The following NT5C2 variants were observed in gnomAD, a reference collection of about 807,000 sequenced individuals.
NT5C2 encodes the protein 5'-nucleotidase, cytosolic II.
NT5C2 carries 58 observed loss-of-function variants against 76.1 expected under a neutral mutation model. That is an observed-to-expected ratio of 0.76 (90% CI 0.62 to 0.95). NT5C2 has a LOEUF of 0.95. Among genes scored for constraint, NT5C2 ranks in the 40% least tolerant of loss-of-function variants. NT5C2 has a pLI of 0.00. For synonymous variants in NT5C2, 229 were observed against 237.4 expected (o/e 0.96, Z 0.32); for missense variants, 478 against 690.3 (o/e 0.69, Z 3.45).
At chr10:103,172,956 C>T (rs929994836) in intron 3 of NT5C2, among the ~76,000 whole-genome samples, 13 of 152,182 alleles carry the variant, frequency 8.5e-5, no homozygotes, top group African/African-American at 2.9e-4. Flanking sequence ...TACAGTGAGC[C>T]GAGATCAAGC....
chr10:103,136,915 G>A (rs1011569170), intron 4 of NT5C2, among the ~76,000 whole-genome samples: 5 of 152,102 alleles, frequency 3.3e-5, no homozygotes, highest in South Asian at 2.1e-4. Flanking sequence ...GAGCCACCGC[G>A]CCAGGCCAAT....
intron 3 of NT5C2, among the ~76,000 whole-genome samples, chr10:103,150,874 A>C (rs146661441): frequency 2.0e-5 from 3 of 152,362 alleles, no homozygotes; most frequent in African/African-American, 7.2e-5. Flanking sequence ...ATATAAACAT[A>C]TTCAGAATAT....
At chr10:103,161,315 C>T (rs1209719640) in intron 3 of NT5C2, among the ~76,000 whole-genome samples, 1 of 152,000 alleles carries the variant, frequency 6.6e-6, no homozygotes, top group Non-Finnish European at 1.5e-5. Flanking sequence ...ATAGCTGGGA[C>T]TACAGGCATG....
At chr10:103,167,823 G>A (rs886999480) in intron 3 of NT5C2, among the ~76,000 whole-genome samples, 1 of 151,928 alleles carries the variant, frequency 6.6e-6, no homozygotes, top group Admixed American at 6.6e-5. Flanking sequence ...GTAAAGACGG[G>A]GTTTGCCATG....
rs754895062 is a variant in NT5C2, at chr10:103,097,341, C to G, written c.721G>C (p.Glu241Gln). ...GTAGCAAGAAATACTTTCCCTACTT[C>G]CTTCATCCGGCTCAGAAGCAAAGGC... The part of the protein sequence containing the change: ...KLPLLLSRMK[E>Q]VGKVFLATNS... The change falls in exon 11 of 19, where the codon GAA (glutamate) becomes CAA (glutamine). Residue 241 changes from glutamate to glutamine, a missense_variant. Glu to Gln is a conservative substitution (Grantham distance 29). Transcript: ENST00000404739. 32 of 1,613,738 alleles carry G rather than the reference C, an allele frequency of 2.0e-5. 1 individual carries two copies. In the East Asian group the frequency reaches 7.1e-4, roughly 36 times the overall value.
Position 103,128,048 on chromosome 10 carries a change from TCCCTC to T in NT5C2, c.175+11353_175+11357del, listed in dbSNP as rs1565092222. ...ACTGTATTTAAAATGATCCGGTCTCTCCCTCTCCCTCTCCCTCTCCCTCTCCCTCT... is the reference window on the plus strand; with the variant it reads ...ACTGTATTTAAAATGATCCGGTCTCTTCCCTCTCCCTCTCCCTCTCCCTCT... On this transcript the variant is annotated intron_variant, in intron 4 of 18. Transcript: ENST00000404739. Among the ~76,000 whole-genome samples the T allele has an allele frequency of 2.3e-4, 4 of 17,580 alleles. No individual in the cohort carries two copies. The East Asian group carries it at 2.5e-3, about 11-fold the overall frequency. 11.5% of individuals were successfully genotyped at this position (17,580 alleles called of 152,430 possible). A position where few individuals can be genotyped will look rare whatever the true frequency, so the allele number is the denominator to read the frequency against.
chr10:103,190,131 G>T (rs2092524030), intron 1 of NT5C2, among the ~76,000 whole-genome samples: 1 of 149,048 alleles, frequency 6.7e-6, no homozygotes, highest in Non-Finnish European at 1.5e-5. Context: ...CTCCCAAGTA[G>T]CTGGGATTAC....
chr10:103,137,054 T>C (rs2079427096), intron 4 of NT5C2, among the ~76,000 whole-genome samples: 1 of 152,200 alleles, frequency 6.6e-6, no homozygotes, highest in African/African-American at 2.4e-5. Context: ...CTTACTAAAT[T>C]GAACTATTTC....
At chr10:103,120,477 GAT>G (rs1169287378) in intron 4 of NT5C2, among the ~76,000 whole-genome samples, 5 of 152,140 alleles carry the variant, frequency 3.3e-5, no homozygotes, top group Admixed American at 3.3e-4. Flanking sequence ...TTAAAAAACT[GAT>G]ATTTCTCCAA....
chr10:103,095,012 T>TA (rs11375439), intron 12 of NT5C2, among the ~76,000 whole-genome samples: 62,496 of 152,000 alleles, frequency 0.41, 13,043 homozygotes, highest in East Asian at 0.56. Flanking sequence ...TAAATTACAA[T>TA]ACTTATTTTA....
intron 2 of NT5C2, chr10:103,175,667 G>T: frequency 4.3e-6 from 1 of 233,238 alleles, no homozygotes; most frequent in South Asian, 8.0e-5. Context: ...AAGCAATGAA[G>T]ACTTATCTCC....
At position 103,124,988 on chromosome 10, in the gene NT5C2, C is replaced by G. The variant is rs916191264; in HGVS notation, c.175+14418G>C. 4 of 160,328 alleles carry G rather than the reference C, an allele frequency of 2.5e-5. No homozygotes were observed. In the Admixed American group the frequency reaches 2.6e-4, roughly 10 times the overall value. The allele number at this position is 160,328 out of a possible 1,614,324, so 9.9% of individuals were successfully genotyped here. On this transcript the variant is annotated intron_variant, in intron 4 of 18. Transcript: ENST00000404739. ...AAATAACTTTTTGTTTTCCATGAGG[C>G]ATTTTATTTGTAAATATGTATTACA...
At chr10:103,125,148 T>C in intron 4 of NT5C2, 1 of 555,702 alleles carries the variant, frequency 1.8e-6, no homozygotes, top group Non-Finnish European at 3.3e-6. Context: ...CTCTACCATT[T>C]TTCTAGATCT....
chr10:103,107,828 T>C (rs554665170), intron 4 of NT5C2, among the ~76,000 whole-genome samples: 4 of 151,994 alleles, frequency 2.6e-5, no homozygotes, highest in Non-Finnish European at 5.9e-5. Flanking sequence ...ATGAAAAAAC[T>C]TTTCAGAGTT....
intron 6 of NT5C2, among the ~76,000 whole-genome samples, chr10:103,104,580 A>C (rs962983483): frequency 2.0e-5 from 3 of 152,228 alleles, no homozygotes; most frequent in Non-Finnish European, 4.4e-5. Context: ...GAAACAGTGA[A>C]AGAAATGTGG....
intron 3 of NT5C2, among the ~76,000 whole-genome samples, chr10:103,155,136 T>TACAAAGATAAACTTGGAA (rs1297239872): frequency 6.6e-6 from 1 of 152,192 alleles, no homozygotes; most frequent in Non-Finnish European, 1.5e-5. Context: ...ATACCAGTGA[T>TACAAAGATAAACTTGGAA]ACAAAGATAA....
At chr10:103,094,079 A>G in intron 13 of NT5C2, 41 bp from the exon 14 acceptor site, 2 of 1,523,376 alleles carry the variant, frequency 1.3e-6, no homozygotes, top group Non-Finnish European at 9.1e-7. Context: ...TTATCATCCT[A>G]TCACAATCCT....
intron 18 of NT5C2, chr10:103,090,285 A>T: frequency 2.9e-6 from 1 of 347,686 alleles, no homozygotes; most frequent in Non-Finnish European, 5.2e-6. Flanking sequence ...TGGAGCAATC[A>T]CAGCCCACTG....
Position 103,098,927 on chromosome 10 carries a change from T to C in NT5C2, c.687+4A>G, listed in dbSNP as rs922376602. 5 of 1,595,890 alleles carry C rather than the reference T, an allele frequency of 3.1e-6. No homozygotes were observed. The highest frequency in any genetic ancestry group is 4.3e-6 in the Non-Finnish European group (5 of 1,164,828). ...GCAGATCTATTTTCCCCTATATTAC[T>C]TACATCTTTGACTACATACTTCTCA... On this transcript the variant is annotated splice_donor_region_variant and intron_variant, in intron 10 of 18. Coordinates refer to ENST00000404739, the MANE Select transcript of NT5C2 (RefSeq NM_001351169.2).
Sources: gnomAD v4.1 joint callset for allele counts (sites outside exome capture counted in the v4.1 genomes callset) on GRCh38, gnomAD v4.1.1 for gene constraint, MANE v1.5 for transcripts, NCBI Gene and HGNC (gene_info 2026-07-23, HGNC 2026-07-21) for gene names.